FRZB: variants seen among roughly 807,000 people sequenced by gnomAD.
FRZB encodes frizzled related protein, also known as secreted frizzled-related protein 3.
Under a neutral mutation model 32.5 loss-of-function variants are expected in FRZB, and 34 were observed. That is an observed-to-expected ratio of 1.05 (90% CI 0.80 to 1.39). The LOEUF is 1.39. FRZB is among the 40% of genes most tolerant of loss of function. The pLI is 0.00. For synonymous variants in FRZB, 170 were observed against 159.2 expected (o/e 1.07, Z -0.51); for missense variants, 423 against 424.8 (o/e 1.00, Z 0.04).
chr2:182,844,896 C>T lies in FRZB; in HGVS notation c.527-2353G>A, dbSNP rs1476667920. Among the ~76,000 whole-genome samples the T allele has an allele frequency of 2.6e-5, 4 of 152,148 alleles. No homozygotes were observed. In the East Asian group the frequency reaches 7.7e-4, roughly 29 times the overall value. ...TATACTTCTTATTTCTGCTGGTCTCCAAGGTGACAATGCCATACTAAATAT... is the reference window on the plus strand; with the variant it reads ...TATACTTCTTATTTCTGCTGGTCTCTAAGGTGACAATGCCATACTAAATAT... On this transcript the variant is annotated intron_variant, in intron 2 of 5. Transcript: ENST00000295113.
chr2:182,864,978 T>C (rs1039642964), intron 1 of FRZB, among the ~76,000 whole-genome samples: 1 of 152,220 alleles, frequency 6.6e-6, no homozygotes, highest in Non-Finnish European at 1.5e-5. Flanking sequence ...TTGGTAGAAG[T>C]AATACTGAGT....
chr2:182,855,329 C>T (rs1695756408), intron 2 of FRZB, among the ~76,000 whole-genome samples: 2 of 152,026 alleles, frequency 1.3e-5, no homozygotes, highest in Non-Finnish European at 2.9e-5. Flanking sequence ...TTGAGTGGGA[C>T]AAGACAATTA....
intron 5 of FRZB, among the ~76,000 whole-genome samples, chr2:182,837,725 C>G (rs1361443424): frequency 6.6e-6 from 1 of 151,948 alleles, no homozygotes; most frequent in Admixed American, 6.6e-5. Flanking sequence ...GACATTAGGG[C>G]AACTGTAGTT....
intron 5 of FRZB, among the ~76,000 whole-genome samples, chr2:182,837,093 C>A (rs369871904): frequency 7.4e-5 from 11 of 147,926 alleles, no homozygotes; most frequent in African/African-American, 2.7e-4. Flanking sequence ...CCCACCCACA[C>A]ATCCTTTGAG....
At chr2:182,860,259 T>C (rs1448199964) in intron 1 of FRZB, among the ~76,000 whole-genome samples, 1 of 152,100 alleles carries the variant, frequency 6.6e-6, no homozygotes, top group Non-Finnish European at 1.5e-5. Context: ...TAATAATTGA[T>C]CAAAAAATTA....
At chr2:182,853,947 A>G (rs1695737830) in intron 2 of FRZB, among the ~76,000 whole-genome samples, 1 of 152,234 alleles carries the variant, frequency 6.6e-6, no homozygotes, top group South Asian at 2.1e-4. Flanking sequence ...AATAAAGTGT[A>G]CCACATTCAA....
Position 182,863,756 on chromosome 2 carries a change from T to C in FRZB, c.478+2319A>G, listed in dbSNP as rs534144008. 3.3e-5 allele frequency among the ~76,000 whole-genome samples: 5 copies of C among 152,310 alleles called. No homozygotes were observed. The South Asian group carries it at 8.3e-4, about 25-fold the overall frequency. ...AGTATATTGGATATTGCATGGTAAATTACACTGGCCACATGTGGTAGTTCC... is the reference window on the plus strand; with the variant it reads ...AGTATATTGGATATTGCATGGTAAACTACACTGGCCACATGTGGTAGTTCC... On this transcript the variant is annotated intron_variant, in intron 1 of 5. Coordinates refer to ENST00000295113, the MANE Select transcript of FRZB (RefSeq NM_001463.4).
In FRZB at chr2:182,866,373, G is replaced by A. The variant is rs932764623; in HGVS notation, c.180C>T (p.Ser60=). 5 of 1,613,586 alleles carry A rather than the reference G, an allele frequency of 3.1e-6. No individual in the cohort carries two copies. In the African/African-American group the frequency reaches 4.0e-5, roughly 13 times the overall value. Residue 60 remains serine, a synonymous_variant, in exon 1 of 6, where the codon AGC becomes AGT. Transcript: ENST00000295113. The surrounding 1 kb of genome is among the most constrained non-coding windows in gnomAD (Gnocchi z 4.5). ...MTKMPNHLHH[S]TQANAILAIE... ...TGGCCAGGATGGCGTTGGCCTGAGTGCTGTGGTGCAGGTGGTTGGGCATCT... is the reference window on the plus strand; with the variant it reads ...TGGCCAGGATGGCGTTGGCCTGAGTACTGTGGTGCAGGTGGTTGGGCATCT...
chr2:182,842,167 C>A (rs1214070613), intron 3 of FRZB, among the ~76,000 whole-genome samples: 1 of 152,158 alleles, frequency 6.6e-6, no homozygotes, highest in Non-Finnish European at 1.5e-5. Flanking sequence ...GAGCTCAAAT[C>A]CTCCTTCAGC....
intron 2 of FRZB, among the ~76,000 whole-genome samples, chr2:182,854,524 C>G (rs1242058548): frequency 1.3e-5 from 2 of 152,208 alleles, no homozygotes; most frequent in Non-Finnish European, 2.9e-5. Flanking sequence ...ATTTTGCAGA[C>G]AGAGTACACT....
At chr2:182,840,750 T>C (rs544432865) in intron 3 of FRZB, among the ~76,000 whole-genome samples, 1 of 152,190 alleles carries the variant, frequency 6.6e-6, no homozygotes, top group Non-Finnish European at 1.5e-5. Flanking sequence ...TATCTGCTCC[T>C]TTCCATTAAT....
chr2:182,862,707 T>C (rs554669980), intron 1 of FRZB, among the ~76,000 whole-genome samples: 27 of 152,330 alleles, frequency 1.8e-4, no homozygotes, highest in Non-Finnish European at 3.7e-4. Flanking sequence ...AGCAGCACTT[T>C]TTTCAGTGCT....
chr2:182,838,142 T>C, intron 4 of FRZB, 131 bp from the exon 5 acceptor site: 1 of 753,924 alleles, frequency 1.3e-6, no homozygotes, highest in East Asian at 2.7e-5. Context: ...TTTAGAACAG[T>C]AATTATTAAC....
Position 182,833,942 on chromosome 2 carries a change from G to A in FRZB, c.*907C>T, listed in dbSNP as rs978147187. ...CTTTTAAAAACTAACCCTGGTGCAC[G>A]TGCATACATAATCTTTTCCTGGTCA... On this transcript the variant is annotated 3_prime_UTR_variant, in exon 6 of 6. Transcript: ENST00000295113. 5 of 151,862 alleles carry A rather than the reference G, an allele frequency of 3.3e-5. No individual in the cohort carries two copies. The highest frequency in any genetic ancestry group is 4.4e-5 in the Non-Finnish European group (3 of 67,972). 9.4% of individuals were successfully genotyped at this position (151,862 alleles called of 1,614,324 possible). A position where few individuals can be genotyped will look rare whatever the true frequency, so the allele number is the denominator to read the frequency against.
intron 2 of FRZB, among the ~76,000 whole-genome samples, chr2:182,853,774 T>C (rs774126649): frequency 6.6e-6 from 1 of 152,156 alleles, no homozygotes; most frequent in Non-Finnish European, 1.5e-5. Flanking sequence ...ATAAGACACC[T>C]TATAAGGCAG....
chr2:182,850,185 TTA>T (rs10528244), intron 2 of FRZB, among the ~76,000 whole-genome samples: 99,951 of 151,876 alleles, frequency 0.66, 33,371 homozygotes, highest in African/African-American at 0.7. Flanking sequence ...AAATATCAAG[TTA>T]TAGGGTAATA....
At chr2:182,851,567 A>C (rs1225828797) in intron 2 of FRZB, among the ~76,000 whole-genome samples, 1 of 152,086 alleles carries the variant, frequency 6.6e-6, no homozygotes, top group African/African-American at 2.4e-5. Context: ...AAGACAGGAG[A>C]ATTGCTTGAA....
chr2:182,844,845 C>T (rs942607741), intron 2 of FRZB, among the ~76,000 whole-genome samples: 4 of 152,090 alleles, frequency 2.6e-5, no homozygotes, highest in African/African-American at 7.2e-5. Context: ...CAAATATTCT[C>T]GGGACTAAAT....
At chr2:182,860,081 A>C (rs1251546495) in intron 1 of FRZB, among the ~76,000 whole-genome samples, 1 of 152,230 alleles carries the variant, frequency 6.6e-6, no homozygotes, top group Non-Finnish European at 1.5e-5. Flanking sequence ...GGTAGAAATA[A>C]GAGTGAAAAA....
Sources: gnomAD v4.1 joint callset for allele counts (sites outside exome capture counted in the v4.1 genomes callset) on GRCh38, gnomAD v4.1.1 for gene constraint, Gnocchi (gnomAD v3.1) non-coding constraint, MANE v1.5 for transcripts, NCBI Gene and HGNC (gene_info 2026-07-23, HGNC 2026-07-21) for gene names.